Variants in COL13A1 observed in about 807,000 individuals in gnomAD.
COL13A1 encodes collagen type XIII alpha 1 chain, also known as collagen alpha-1(XIII) chain.
COL13A1 carries 89 observed loss-of-function variants against 130.9 expected under a neutral mutation model. The ratio of observed to expected loss-of-function variants is 0.68; its 90% CI spans 0.57 to 0.81. The LOEUF (loss-of-function observed/expected upper bound fraction) is 0.81, where lower values mean the gene tolerates loss of function less well. COL13A1 is among the 30% of genes least tolerant of loss of function. The probability of loss-of-function intolerance (pLI) is 0.00; values close to 1 mark genes in which losing one functional copy is unlikely to be tolerated. For missense variants in COL13A1, 879 were observed against 934.6 expected (o/e 0.94, Z 0.78); for synonymous variants, 402 against 341.6 (o/e 1.18, Z -1.95).
At position 69,827,926 on chromosome 10, in the gene COL13A1, CCTT is replaced by C. The variant is rs562060797; in HGVS notation, c.364+5492_364+5494del. Among the ~76,000 whole-genome samples, 490 of 152,272 alleles carry C rather than the reference CCTT, an allele frequency of 3.2e-3. 1 individual carries two copies. Among genetic ancestry groups the C allele is most frequent in the African/African-American group, 0.011 (476 of 41,556 alleles). On this transcript the variant is annotated intron_variant, in intron 2 of 40. Coordinates refer to ENST00000645393, the MANE Select transcript of COL13A1 (RefSeq NM_001368882.1). ...ACCCCGAGCCCCGCTTCTTTGTGGTCCTTCTTATTTCAGACTTGATTTATTTCA... is the reference window on the plus strand; with the variant it reads ...ACCCCGAGCCCCGCTTCTTTGTGGTCCTTATTTCAGACTTGATTTATTTCA...
intron 40 of COL13A1, 41 bp from the exon 41 acceptor site, chr10:69,958,658 C>A (rs1365697932): frequency 1.5e-5 from 25 of 1,613,904 alleles, no homozygotes; most frequent in Non-Finnish European, 2.1e-5. Flanking sequence ...TCTGCAGACC[C>A]ACTGAAACTA....
At chr10:69,838,230 A>G (rs1850614884) in intron 2 of COL13A1, among the ~76,000 whole-genome samples, 1 of 152,244 alleles carries the variant, frequency 6.6e-6, no homozygotes, top group Non-Finnish European at 1.5e-5. Context: ...AGGATCTGGT[A>G]GGAGCCTGGG....
chr10:69,815,784 C>A (rs183692660), intron 1 of COL13A1, among the ~76,000 whole-genome samples: 110 of 152,222 alleles, frequency 7.2e-4, no homozygotes, highest in African/African-American at 2.5e-3. Context: ...GTGCCAAGCC[C>A]TGTTTTAGGC....
At position 69,880,537 on chromosome 10, in the gene COL13A1, G is replaced by C; in HGVS notation, c.497G>C (p.Gly166Ala). 6.2e-7 allele frequency: 1 copy of C among 1,613,506 alleles called. No individual in the cohort carries two copies. Among genetic ancestry groups the C allele is most frequent in the Non-Finnish European group, 8.5e-7 (1 of 1,179,766 alleles). Residue 166 changes from glycine to alanine, a missense_variant, in exon 7 of 41, where the codon GGT (glycine) becomes GCT (alanine). By Grantham distance (60) the Gly-to-Ala change is moderately conservative. Around this residue, in one of 3 missense-constraint regions of COL13A1, gnomAD observed 715 missense variants for 721.0 expected, o/e 0.99. Coordinates refer to ENST00000645393, the MANE Select transcript of COL13A1 (RefSeq NM_001368882.1). ...SPGDAGLSII[G>A]PRGPPGQPGT... is the part of the protein sequence containing the mutation. ...GGAGACGCTGGGCTGTCCATCATTG[G>C]TCCCCGCGGCCCCCCTGTAAGTTGT...
At chr10:69,926,756 G>A (rs868202566) in intron 26 of COL13A1, among the ~76,000 whole-genome samples, 2 of 152,226 alleles carry the variant, frequency 1.3e-5, no homozygotes, top group South Asian at 2.1e-4. Flanking sequence ...TGACTAGAAA[G>A]AATAAGAGGT....
chr10:69,863,033 C>T (rs369991253), intron 2 of COL13A1, among the ~76,000 whole-genome samples: 11 of 152,158 alleles, frequency 7.2e-5, no homozygotes, highest in African/African-American at 2.4e-4. Flanking sequence ...GCCTGGGCCA[C>T]GGGTAAGGGC....
At chr10:69,920,601 C>A (rs1166625462) in intron 21 of COL13A1, among the ~76,000 whole-genome samples, 1 of 152,138 alleles carries the variant, frequency 6.6e-6, no homozygotes, top group Non-Finnish European at 1.5e-5. Context: ...TTTGAGAGAC[C>A]GTTCTCCCTC....
chr10:69,835,155 G>A (rs952094626), intron 2 of COL13A1, among the ~76,000 whole-genome samples: 2 of 152,118 alleles, frequency 1.3e-5, no homozygotes, highest in Non-Finnish European at 2.9e-5. Flanking sequence ...GGCTGCTGGG[G>A]GCAGATGAGC....
At chr10:69,872,716 C>T (rs1422662157) in intron 4 of COL13A1, among the ~76,000 whole-genome samples, 2 of 152,220 alleles carry the variant, frequency 1.3e-5, no homozygotes, top group Non-Finnish European at 2.9e-5. Flanking sequence ...AAAATATAGC[C>T]ATCTCTTATT....
intron 26 of COL13A1, among the ~76,000 whole-genome samples, chr10:69,926,258 C>T (rs761619045): frequency 3.9e-5 from 6 of 152,220 alleles, no homozygotes; most frequent in Admixed American, 1.3e-4. Context: ...CTTCCTGGAA[C>T]GCATCTCCTT....
intron 21 of COL13A1, among the ~76,000 whole-genome samples, 182 bp from the exon 22 acceptor site, chr10:69,921,700 A>G (rs1335960195): frequency 1.3e-5 from 2 of 152,196 alleles, no homozygotes; most frequent in East Asian, 3.9e-4. Context: ...GAAGTGACCC[A>G]TGGAAGTAGC....
At chr10:69,869,861 G>T (rs561471274) in intron 3 of COL13A1, among the ~76,000 whole-genome samples, 2 of 152,292 alleles carry the variant, frequency 1.3e-5, no homozygotes, top group South Asian at 4.1e-4. Flanking sequence ...TTCTCTGAAG[G>T]AATATAGGGA....
chr10:69,879,289 G>A (rs1327175912), intron 6 of COL13A1: 2 of 152,230 alleles, frequency 1.3e-5, no homozygotes, highest in Non-Finnish European at 2.9e-5. Flanking sequence ...AAACTGCCTA[G>A]GAGAAAGACA....
chr10:69,868,699 C>T (rs190050895), intron 3 of COL13A1, among the ~76,000 whole-genome samples: 3 of 152,206 alleles, frequency 2.0e-5, no homozygotes, highest in African/African-American at 7.2e-5. Context: ...CTGTGGGAGC[C>T]GCCTGCTTCA....
At chr10:69,810,189 C>T (rs1842587989) in intron 1 of COL13A1, among the ~76,000 whole-genome samples, 1 of 152,144 alleles carries the variant, frequency 6.6e-6, no homozygotes, top group African/African-American at 2.4e-5. Flanking sequence ...ACGGGTGATG[C>T]TGGTTGCATT....
At chr10:69,891,532 T>A (rs1445651405) in intron 10 of COL13A1, among the ~76,000 whole-genome samples, 1 of 152,138 alleles carries the variant, frequency 6.6e-6, no homozygotes, top group African/African-American at 2.4e-5. Flanking sequence ...AGGTTTCCTC[T>A]CCATCACAGC....
intron 2 of COL13A1, among the ~76,000 whole-genome samples, chr10:69,861,777 T>A (rs918454585): frequency 2.0e-5 from 3 of 152,202 alleles, no homozygotes; most frequent in Non-Finnish European, 2.9e-5. Flanking sequence ...GAGCTGTGAT[T>A]GATTATCAGT....
At chr10:69,910,089 C>A (rs770496016) in intron 17 of COL13A1, among the ~76,000 whole-genome samples, 1 of 152,192 alleles carries the variant, frequency 6.6e-6, no homozygotes, top group East Asian at 1.9e-4. Flanking sequence ...CCAACCTCCA[C>A]CTACTAATGG....
At chr10:69,922,512 T>C (rs2064815669) in intron 22 of COL13A1, among the ~76,000 whole-genome samples, 196 bp from the exon 23 acceptor site, 1 of 152,214 alleles carries the variant, frequency 6.6e-6, no homozygotes, top group Non-Finnish European at 1.5e-5. Flanking sequence ...ATCCCTTGTG[T>C]CAGCTCTAAA....
Sources: allele counts gnomAD v4.1 joint callset (sites outside exome capture counted in the v4.1 genomes callset), GRCh38; gene constraint gnomAD v4.1.1; regional missense constraint gnomAD v4.1.1; transcripts MANE v1.5; gene names NCBI Gene and HGNC (gene_info 2026-07-23, HGNC 2026-07-21).